USP32: variants seen among roughly 807,000 people sequenced by gnomAD.
The protein encoded by USP32 is ubiquitin carboxyl-terminal hydrolase 32.
A neutral mutation model predicts 204.8 loss-of-function variants in USP32; 59 were observed. That is an observed-to-expected ratio of 0.29 (90% CI 0.23 to 0.36). The LOEUF is 0.36. USP32 is among the 10% of genes least tolerant of loss of function. The probability of loss-of-function intolerance (pLI) is 1.00; values close to 1 mark genes in which losing one functional copy is unlikely to be tolerated. For missense variants in USP32, 1,160 were observed against 1,946.4 expected (o/e 0.60, Z 7.60); for synonymous variants, 517 against 678.4 (o/e 0.76, Z 3.70).
chr17:60,338,777 G>C (rs1244820426), intron 2 of USP32, among the ~76,000 whole-genome samples: 1 of 152,092 alleles, frequency 6.6e-6, no homozygotes, highest in Non-Finnish European at 1.5e-5. Context: ...ATCTCAAGTA[G>C]AATACATTTT....
At chr17:60,239,542 T>G (rs936886489) in intron 11 of USP32, among the ~76,000 whole-genome samples, 5 of 152,194 alleles carry the variant, frequency 3.3e-5, no homozygotes, top group Admixed American at 3.3e-4. Flanking sequence ...ATAATTTCAA[T>G]GGACTTTTAT....
chr17:60,334,117 C>G (rs1230260983), intron 2 of USP32, among the ~76,000 whole-genome samples: 1 of 152,132 alleles, frequency 6.6e-6, no homozygotes, highest in African/African-American at 2.4e-5. Flanking sequence ...ACCTCGAATA[C>G]TTACAGTACT....
chr17:60,352,313 A>G (rs2088968223), intron 1 of USP32, among the ~76,000 whole-genome samples: 1 of 152,158 alleles, frequency 6.6e-6, no homozygotes, highest in Admixed American at 6.5e-5. Flanking sequence ...CAATGGCTGC[A>G]TCTCCAGCAG....
At chr17:60,382,804 T>A (rs1340044098) in intron 1 of USP32, among the ~76,000 whole-genome samples, 2 of 152,192 alleles carry the variant, frequency 1.3e-5, no homozygotes, top group Non-Finnish European at 1.5e-5. Context: ...ATTTTATACA[T>A]AACCAAAAGA....
At chr17:60,300,370 G>A (rs897379048) in intron 3 of USP32, among the ~76,000 whole-genome samples, 5 of 149,926 alleles carry the variant, frequency 3.3e-5, no homozygotes, top group East Asian at 3.9e-4. Flanking sequence ...TATATCCCAC[G>A]AAACAGACGG....
At chr17:60,228,511 T>C (rs1260945108) in intron 12 of USP32, among the ~76,000 whole-genome samples, 1 of 150,954 alleles carries the variant, frequency 6.6e-6, no homozygotes, top group Admixed American at 6.7e-5. Flanking sequence ...CTTTTTTTTT[T>C]TTTTTTTAAT....
At chr17:60,411,809 A>T (rs1048371096) in intron 1 of USP32, among the ~76,000 whole-genome samples, 1 of 152,148 alleles carries the variant, frequency 6.6e-6, no homozygotes, top group Non-Finnish European at 1.5e-5. Context: ...TGTAGTATAT[A>T]TGAGGATTTC....
intron 14 of USP32, 95 bp downstream of exon 14, chr17:60,223,316 C>T: frequency 1.0e-6 from 1 of 972,496 alleles, no homozygotes. Context: ...ATTAAATGAA[C>T]CATCAATGTT....
At position 60,206,354 on chromosome 17, in the gene USP32, C is replaced by T. The variant is rs907462955; in HGVS notation, c.3037+667G>A. 1.3e-5 allele frequency among the ~76,000 whole-genome samples: 2 copies of T among 148,978 alleles called. 1 individual carries two copies. Among genetic ancestry groups the T allele is most frequent in the African/African-American group, 5.2e-5 (2 of 38,426 alleles). ...TTAAATTAAATAAAAATTAAAAATG[C>T]ATTATTCTCACTCACACTAACCACA... On this transcript the variant is annotated intron_variant, in intron 25 of 33. Transcript: ENST00000300896.
intron 2 of USP32, among the ~76,000 whole-genome samples, chr17:60,315,460 C>A (rs976827298): frequency 4.1e-4 from 63 of 152,156 alleles, no homozygotes; most frequent in African/African-American, 1.2e-3. Flanking sequence ...TGTAAAAAAA[C>A]CCCTGCAACA....
At chr17:60,209,761 G>A (rs1455053153) in intron 21 of USP32, among the ~76,000 whole-genome samples, 3 of 152,022 alleles carry the variant, frequency 2.0e-5, no homozygotes, top group African/African-American at 7.3e-5. Context: ...GGCCAATACT[G>A]TGCAATACTG....
At chr17:60,246,411 ATATTTT>A (rs2086027543) in intron 11 of USP32, among the ~76,000 whole-genome samples, 1 of 145,788 alleles carries the variant, frequency 6.9e-6, no homozygotes, top group Admixed American at 6.7e-5. Context: ...ATATATATAT[ATATTTT>A]TTTTTTTTCT....
At chr17:60,408,817 G>A (rs1242625919) in intron 1 of USP32, among the ~76,000 whole-genome samples, 2 of 152,162 alleles carry the variant, frequency 1.3e-5, no homozygotes, top group East Asian at 3.8e-4. Context: ...TCAGACCAAG[G>A]AGCAGAGACG....
chr17:60,213,431 TTTTC>T (rs1304679035), intron 18 of USP32, 146 bp downstream of exon 18: 3 of 516,746 alleles, frequency 5.8e-6, no homozygotes, highest in Non-Finnish European at 1.0e-5. Context: ...AGGGTTTTCT[TTTTC>T]TTTTTTTTCC....
At chr17:60,198,975 G>T (rs891023395) in intron 26 of USP32, among the ~76,000 whole-genome samples, 2 of 152,126 alleles carry the variant, frequency 1.3e-5, no homozygotes, top group African/African-American at 2.4e-5. Flanking sequence ...AATTAGCTGG[G>T]CATGGTGGCA....
At chr17:60,347,313 T>C (rs922328718) in intron 1 of USP32, among the ~76,000 whole-genome samples, 4 of 150,676 alleles carry the variant, frequency 2.7e-5, no homozygotes, top group Non-Finnish European at 5.9e-5. Flanking sequence ...TCCTCCCAAG[T>C]ACCTGGGAAT....
chr17:60,387,290 G>A (rs1382475344), intron 1 of USP32, among the ~76,000 whole-genome samples: 1 of 152,168 alleles, frequency 6.6e-6, no homozygotes. Flanking sequence ...TGGTGGATAA[G>A]CAAAATGAAA....
chr17:60,318,962 A>C (rs911842906), intron 2 of USP32, among the ~76,000 whole-genome samples: 1 of 152,226 alleles, frequency 6.6e-6, no homozygotes, highest in African/African-American at 2.4e-5. Flanking sequence ...AACTTTGAAA[A>C]CATTATGCTA....
Position 60,205,516 on chromosome 17 carries a change from A to T in USP32, c.3180T>A (p.Val1060=), listed in dbSNP as rs939840476. 6.2e-7 allele frequency: 1 copy of T among 1,613,946 alleles called. No individual in the cohort carries two copies. Among genetic ancestry groups the T allele is most frequent in the South Asian group, 1.1e-5 (1 of 91,074 alleles). The part of the protein sequence containing the change: ...GTEKNFTNGM[V]NGHMPSLPDS... Reference sequence around the variant, plus strand: ...CAGGAAGAGATGGCATGTGACCATTAACCATTCCATTTGTGAAGTTCTTCT... The same window carrying T: ...CAGGAAGAGATGGCATGTGACCATTTACCATTCCATTTGTGAAGTTCTTCT... Residue 1060 remains valine, a synonymous_variant, in exon 26 of 34, where the codon GTT becomes GTA. Coordinates refer to ENST00000300896, the MANE Select transcript of USP32 (RefSeq NM_032582.4).
Sources: gnomAD v4.1 joint callset for allele counts (sites outside exome capture counted in the v4.1 genomes callset) on GRCh38, gnomAD v4.1.1 for gene constraint, MANE v1.5 for transcripts, NCBI Gene and HGNC (gene_info 2026-07-23, HGNC 2026-07-21) for gene names.